Variants in LRBA observed in about 807,000 individuals in gnomAD.
LRBA encodes the protein lipopolysaccharide-responsive and beige-like anchor protein.
Under a neutral mutation model 330.0 loss-of-function variants are expected in LRBA, and 176 were observed. That is an observed-to-expected ratio of 0.53 (90% CI 0.47 to 0.60). The LOEUF is 0.60. Ranked by LOEUF, LRBA falls within the 20% of genes least tolerant of loss-of-function variation. The pLI, the probability that LRBA is intolerant of heterozygous loss-of-function variation, is 0.00. For missense variants in LRBA, 3,259 were observed against 3,444.8 expected (o/e 0.95, Z 1.35); for synonymous variants, 1,230 against 1,193.0 (o/e 1.03, Z -0.64).
chr4:150,374,057 G>A (rs576230577), intron 47 of LRBA, among the ~76,000 whole-genome samples: 134 of 152,112 alleles, frequency 8.8e-4, no homozygotes, highest in African/African-American at 2.9e-3. Context: ...CAAAAGCCAC[G>A]TTCACCCACT....
intron 37 of LRBA, among the ~76,000 whole-genome samples, chr4:150,660,615 G>C (rs1455015942): frequency 7.6e-5 from 11 of 143,884 alleles, no homozygotes; most frequent in African/African-American, 2.7e-4. Context: ...TGGCGGCCTT[G>C]TGGAATAGAA....
intron 40 of LRBA, among the ~76,000 whole-genome samples, chr4:150,512,983 T>C (rs780749882): frequency 6.6e-6 from 1 of 152,198 alleles, no homozygotes; most frequent in Non-Finnish European, 1.5e-5. Context: ...CAAAAAGTCA[T>C]AGGCTATGTT....
At chr4:150,575,928 T>C (rs867213109) in intron 40 of LRBA, among the ~76,000 whole-genome samples, 18 of 151,922 alleles carry the variant, frequency 1.2e-4, no homozygotes, top group Non-Finnish European at 2.5e-4. Context: ...CTGATCCTGG[T>C]TTTTCTGTCT....
intron 41 of LRBA, among the ~76,000 whole-genome samples, chr4:150,489,391 TAAAA>T (rs1561251076): frequency 4.0e-5 from 2 of 49,400 alleles, no homozygotes; most frequent in African/African-American, 1.1e-4. Context: ...TATAAGAATA[TAAAA>T]TATATTATAT....
At chr4:150,835,149 G>T (rs947558748) in intron 28 of LRBA, among the ~76,000 whole-genome samples, 2 of 152,136 alleles carry the variant, frequency 1.3e-5, no homozygotes, top group African/African-American at 4.8e-5. Flanking sequence ...CCTCTGTTCT[G>T]TTCCGTTGGT....
chr4:150,406,623 G>A (rs1431851191), intron 47 of LRBA, among the ~76,000 whole-genome samples: 1 of 152,090 alleles, frequency 6.6e-6, no homozygotes, highest in East Asian at 1.9e-4. Flanking sequence ...TAAAAAGTTG[G>A]TTAATTTATC....
At chr4:150,470,050 G>C (rs550357460) in intron 43 of LRBA, among the ~76,000 whole-genome samples, 9 of 152,240 alleles carry the variant, frequency 5.9e-5, no homozygotes, top group African/African-American at 1.7e-4. Context: ...GGGTGTGGTG[G>C]CAGGAGCCTA....
intron 42 of LRBA, among the ~76,000 whole-genome samples, chr4:150,482,733 C>T (rs888762863): frequency 1.3e-5 from 2 of 152,090 alleles, no homozygotes; most frequent in Non-Finnish European, 2.9e-5. Flanking sequence ...ATAGGTATGT[C>T]ATGGGATCAC....
chr4:150,755,320 C>T (rs1734146782), intron 35 of LRBA, among the ~76,000 whole-genome samples: 1 of 152,170 alleles, frequency 6.6e-6, no homozygotes, highest in Non-Finnish European at 1.5e-5. Flanking sequence ...AATAAGCAGA[C>T]ACTGACTGGC....
At chr4:150,954,817 C>CAAAAA (rs34282784) in intron 2 of LRBA, among the ~76,000 whole-genome samples, 20 of 45,494 alleles carry the variant, frequency 4.4e-4, no homozygotes, top group African/African-American at 9.6e-4. Flanking sequence ...ACTCAGAAAT[C>CAAAAA]AAAAAAAAAA....
chr4:150,858,848 A>T (rs1271304695), intron 22 of LRBA, among the ~76,000 whole-genome samples: 1 of 152,180 alleles, frequency 6.6e-6, no homozygotes, highest in East Asian at 1.9e-4. Flanking sequence ...AAATTTCTTC[A>T]AACAAGTCGC....
chr4:150,600,200 T>C (rs1023801177), intron 37 of LRBA, among the ~76,000 whole-genome samples: 1 of 152,152 alleles, frequency 6.6e-6, no homozygotes, highest in Non-Finnish European at 1.5e-5. Context: ...CAGGAACACC[T>C]GTAAGTTTCA....
chr4:150,344,646 C>T (rs1736031539), intron 48 of LRBA, among the ~76,000 whole-genome samples: 1 of 152,170 alleles, frequency 6.6e-6, no homozygotes, highest in African/African-American at 2.4e-5. Context: ...AATGCAGCCT[C>T]CAACTCCTGG....
At chr4:150,525,303 A>AT (rs1763341203) in intron 40 of LRBA, among the ~76,000 whole-genome samples, 1 of 151,846 alleles carries the variant, frequency 6.6e-6, no homozygotes, top group Non-Finnish European at 1.5e-5. Flanking sequence ...AAGAGAACAC[A>AT]TTTTGATTTC....
intron 48 of LRBA, among the ~76,000 whole-genome samples, chr4:150,347,569 C>T (rs981527755): frequency 2.6e-5 from 4 of 151,328 alleles, no homozygotes; most frequent in Admixed American, 2.6e-4. Context: ...TCACTTGAAC[C>T]CAGGAGGCGG....
chr4:150,387,385 T>C (rs1385560888), intron 47 of LRBA, among the ~76,000 whole-genome samples: 4 of 152,188 alleles, frequency 2.6e-5, no homozygotes, highest in Non-Finnish European at 5.9e-5. Flanking sequence ...GCTGTAATAT[T>C]TTAGTATAAT....
At chr4:150,798,941 C>T (rs899510521) in intron 33 of LRBA, among the ~76,000 whole-genome samples, 4 of 152,104 alleles carry the variant, frequency 2.6e-5, no homozygotes, top group African/African-American at 7.2e-5. Context: ...GGCTTAGGTT[C>T]CAGGGTATAA....
chr4:150,720,017 A>T (rs1438085475), intron 36 of LRBA, among the ~76,000 whole-genome samples: 3 of 152,162 alleles, frequency 2.0e-5, no homozygotes, highest in Non-Finnish European at 4.4e-5. Context: ...CCTATTTCAA[A>T]TAAGCTCTTC....
intron 55 of LRBA, among the ~76,000 whole-genome samples, chr4:150,279,504 T>C (rs749130072): frequency 2.6e-5 from 4 of 152,228 alleles, no homozygotes; most frequent in East Asian, 1.9e-4. Context: ...TTCTGATACA[T>C]TGACACTGTT....
Sources: allele counts gnomAD v4.1 joint callset (sites outside exome capture counted in the v4.1 genomes callset), GRCh38; gene constraint gnomAD v4.1.1; transcripts MANE v1.5; gene names NCBI Gene and HGNC (gene_info 2026-07-23, HGNC 2026-07-21).